The following MYO18A variants were observed in gnomAD, a reference collection of about 807,000 sequenced individuals.
The protein encoded by MYO18A is unconventional myosin-XVIIIa.
A neutral mutation model predicts 235.8 loss-of-function variants in MYO18A; 78 were observed. The ratio of observed to expected loss-of-function variants is 0.33; its 90% CI spans 0.28 to 0.40. The LOEUF (loss-of-function observed/expected upper bound fraction) is 0.40, where lower values mean the gene tolerates loss of function less well. Among genes scored for constraint, MYO18A ranks in the 10% least tolerant of loss-of-function variants. MYO18A has a pLI of 1.00. For synonymous variants in MYO18A, 977 were observed against 1,077.8 expected (o/e 0.91, Z 1.83); for missense variants, 2,215 against 2,699.3 (o/e 0.82, Z 3.98).
At position 29,121,089 on chromosome 17, in the gene MYO18A, G is replaced by A. The variant is rs377635575; in HGVS notation, c.1494C>T (p.Gly498=). 1 of 1,612,536 alleles carries A rather than the reference G, an allele frequency of 6.2e-7. No individual in the cohort carries two copies. The highest frequency in any genetic ancestry group is 8.5e-7 in the Non-Finnish European group (1 of 1,179,440). The change falls in exon 6 of 42, where the codon GGC becomes GGT. Residue 498 remains glycine, a synonymous_variant. Coordinates refer to ENST00000527372, the MANE Select transcript of MYO18A (RefSeq NM_078471.4). This position sits in a 1 kb window ranked among gnomAD's most constrained non-coding sequence, Gnocchi z 4.2. ...TGGTGGTCTTGCCACTGCCACTACT[G>A]CCCAGGAGGATGATTGACTGATCCT... The part of the protein sequence containing the change: ...SRQDQSIILL[G]SSGSGKTTSC...
intron 13 of MYO18A, 78 bp from the exon 14 acceptor site, chr17:29,115,177 C>G: frequency 6.7e-7 from 1 of 1,490,970 alleles, no homozygotes; most frequent in Non-Finnish European, 9.1e-7. Flanking sequence ...CCAAGCCAGA[C>G]CTCTATCCCT....
chr17:29,115,024 C>G lies in MYO18A; in HGVS notation c.2394G>C (p.Gln798His), dbSNP rs181887565. The G allele has an allele frequency of 1.2e-4, 194 of 1,614,028 alleles. 2 individuals carry two copies. In the East Asian group the frequency reaches 4.1e-3, roughly 34 times the overall value. ...AGGAGGCTCCGCGGGCTGACCCACC[C>G]TGCTCAGGGTTCTGGAAGCCCGGGG... ...VDTPGFQNPE[Q>H]GGSARGASFE... The change falls in exon 14 of 42, where the codon CAG (glutamine) becomes CAC (histidine). Residue 798 changes from glutamine to histidine, a missense_variant. Physicochemically the swap from Gln to His is conservative, Grantham distance 24. Coordinates refer to ENST00000527372, the MANE Select transcript of MYO18A (RefSeq NM_078471.4).
chr17:29,156,959 A>C (rs1446625717), intron 2 of MYO18A, among the ~76,000 whole-genome samples: 1 of 152,194 alleles, frequency 6.6e-6, no homozygotes, highest in Non-Finnish European at 1.5e-5. Context: ...GTGCTCCGCC[A>C]CTGTTTTTCC....
In MYO18A at chr17:29,114,021, T is replaced by G. The variant is rs1178203930; in HGVS notation, c.2588A>C (p.His863Pro). Residue 863 changes from histidine (H) to proline (P), a missense_variant, in exon 15 of 42, where the codon CAT becomes CCT. Coordinates refer to ENST00000527372, the MANE Select transcript of MYO18A (RefSeq NM_078471.4). ...DSVAAVDQAS[H>P]QSLVRSLART... ...CTCTGGAGCTCCTACCAGGGACTGA[T>G]GGGAGGCCTGGTCCACAGCAGCCAC... The G allele has an allele frequency of 1.3e-6, 2 of 1,597,718 alleles. No homozygotes were observed. Among genetic ancestry groups the G allele is most frequent in the African/African-American group, 2.7e-5 (2 of 74,600 alleles).
intron 20 of MYO18A, 72 bp from the exon 21 acceptor site, chr17:29,103,736 T>C (rs1475847382): frequency 2.4e-5 from 36 of 1,482,594 alleles, no homozygotes; most frequent in Non-Finnish European, 3.4e-5. Flanking sequence ...CTCCAGGCCC[T>C]TGGCCCTTCC....
chr17:29,097,054 C>G, intron 27 of MYO18A, 139 bp from the exon 28 acceptor site: 1 of 1,375,566 alleles, frequency 7.3e-7, no homozygotes, highest in Non-Finnish European at 9.7e-7. Context: ...TGAAGAAGCT[C>G]TAATGATAGC....
intron 37 of MYO18A, 88 bp from the exon 38 acceptor site, chr17:29,087,209 G>T: frequency 2.2e-6 from 3 of 1,378,488 alleles, no homozygotes; most frequent in Non-Finnish European, 3.0e-6. Context: ...GGGTGAGGAG[G>T]CCTGGGGTCG....
chr17:29,118,095 C>A lies in MYO18A; in HGVS notation c.1988G>T (p.Trp663Leu), dbSNP rs1367026234. The A allele has an allele frequency of 6.3e-7, 1 of 1,593,936 alleles. No individual in the cohort carries two copies. The highest frequency in any genetic ancestry group is 1.7e-5 in the Admixed American group (1 of 57,338). The change falls in exon 10 of 42, where the codon TGG (tryptophan) becomes TTG (leucine). Residue 663 changes from tryptophan to leucine, a missense_variant. Trp to Leu is a moderately conservative substitution (Grantham distance 61). Coordinates refer to ENST00000527372, the MANE Select transcript of MYO18A (RefSeq NM_078471.4). This position sits in a 1 kb window ranked among gnomAD's most constrained non-coding sequence, Gnocchi z 4.2. ...GTGGTAGATGGCAGCCAGAATGAACCAGCAGGCCTTCTGTTCATCGGGGGA... is the reference window on the plus strand; with the variant it reads ...GTGGTAGATGGCAGCCAGAATGAACAAGCAGGCCTTCTGTTCATCGGGGGA... ...GISPDEQKACWFILAAIYHLG... is the reference protein window; with the variant it reads ...GISPDEQKACLFILAAIYHLG...
chr17:29,131,756 G>A (rs529351309), intron 2 of MYO18A, among the ~76,000 whole-genome samples: 12 of 152,368 alleles, frequency 7.9e-5, no homozygotes, highest in Middle Eastern at 3.4e-3. Context: ...CTTTGGTTAC[G>A]TGGCAGATGG....
At chr17:29,093,225 G>A (rs1158220145) in intron 32 of MYO18A, 98 bp downstream of exon 32, 14 of 1,192,266 alleles carry the variant, frequency 1.2e-5, no homozygotes, top group Middle Eastern at 4.8e-4. Context: ...CCCCACCCCC[G>A]ACAGCTCTGT....
chr17:29,175,356 TATTTC>T (rs1321733878), intron 1 of MYO18A, among the ~76,000 whole-genome samples: 2 of 151,650 alleles, frequency 1.3e-5, no homozygotes, highest in Non-Finnish European at 2.9e-5. Flanking sequence ...CTTCTACTTT[TATTTC>T]ATCTTTTTTT....
rs140979803 is a variant in MYO18A at position 29,071,566 on chromosome 17, C to A, written c.*3204G>T. ...CCTTTACTTAAACTCTTCTTCTTCT[C>A]AATATGCCTTTCCCAGCAACTGTAC... On this transcript the variant is annotated 3_prime_UTR_variant, in exon 42 of 42. Coordinates refer to ENST00000527372, the MANE Select transcript of MYO18A (RefSeq NM_078471.4). The A allele has an allele frequency of 6.6e-6, 1 of 152,328 alleles. No individual in the cohort carries two copies. Among genetic ancestry groups the A allele is most frequent in the African/African-American group, 2.4e-5 (1 of 41,562 alleles). 9.4% of individuals were successfully genotyped at this position (152,328 alleles called of 1,614,324 possible).
rs2066462760 is a variant in MYO18A at position 29,094,007 on chromosome 17, C to T, written c.4794G>A (p.Glu1598=). 1 of 1,611,318 alleles carries T rather than the reference C, an allele frequency of 6.2e-7. No homozygotes were observed. Among genetic ancestry groups the T allele is most frequent in the Non-Finnish European group, 8.5e-7 (1 of 1,178,972 alleles). The stretch of plus-strand genomic sequence containing the variant: ...TCTTCTGACACGACTGCCGGGCCTC[C>T]TCCACCTCCTCATCCCGACTCTCCA... The part of the protein sequence containing the change: ...KEMESRDEEV[E]EARQSCQKKL... Residue 1598 remains glutamate (E), a synonymous_variant, in exon 31 of 42, where the codon GAG becomes GAA. Transcript: ENST00000527372.
At chr17:29,080,890 G>C (rs546947416) in intron 41 of MYO18A, 1 of 985,492 alleles carries the variant, frequency 1.0e-6, no homozygotes, top group African/African-American at 1.7e-5. Flanking sequence ...GAGCGAATCC[G>C]CGTCCCCGGT....
chr17:29,118,552 C>G lies in MYO18A; in HGVS notation c.1830-112G>C. ...TTCCAGACTCCAAGTTTTGTCTGCC[C>G]ATCATCCCATCATCCCCAACTGGCG... On this transcript the variant is annotated intron_variant, in intron 8 of 41. Coordinates refer to ENST00000527372, the MANE Select transcript of MYO18A (RefSeq NM_078471.4). This position sits in a 1 kb window ranked among gnomAD's most constrained non-coding sequence, Gnocchi z 4.2. 1.1e-6 allele frequency: 1 copy of G among 882,116 alleles called. No homozygotes were observed. Among genetic ancestry groups the G allele is most frequent in the South Asian group, 1.6e-5 (1 of 60,854 alleles). The allele number at this position is 882,116 out of a possible 1,614,324, so 54.6% of individuals were successfully genotyped here. A position where few individuals can be genotyped will look rare whatever the true frequency, so the allele number is the denominator to read the frequency against.
chr17:29,141,953 G>A (rs964151160), intron 2 of MYO18A, among the ~76,000 whole-genome samples: 1 of 151,114 alleles, frequency 6.6e-6, no homozygotes, highest in African/African-American at 2.4e-5. Context: ...TTTTGTTTTT[G>A]TTTTTTTTTG....
intron 33 of MYO18A, 131 bp downstream of exon 33, chr17:29,092,724 T>G: frequency 7.8e-7 from 1 of 1,280,102 alleles, no homozygotes. Flanking sequence ...CTGCTACACG[T>G]GGCTCTCCCC....
At chr17:29,148,937 C>T (rs938620930) in intron 2 of MYO18A, among the ~76,000 whole-genome samples, 1 of 152,214 alleles carries the variant, frequency 6.6e-6, no homozygotes, top group African/African-American at 2.4e-5. Context: ...ACCGGCCAGC[C>T]GGAGCCTGGG....
Position 29,115,468 on chromosome 17 carries a change from C to T in MYO18A, c.2228-27G>A, listed in dbSNP as rs1222433031. On this transcript the variant is annotated intron_variant, in intron 12 of 41. Transcript: ENST00000527372. ...TGTGGGGCAGGGGGAGCAGCGCTAT[C>T]TCCTTCTCCCCAGGGCTCCCCATCT... 6.8e-6 allele frequency: 11 copies of T among 1,606,782 alleles called. No homozygotes were observed. The Admixed American group carries it at 1.9e-4, about 27-fold the overall frequency.
Sources: gnomAD v4.1 joint callset for allele counts (sites outside exome capture counted in the v4.1 genomes callset) on GRCh38, gnomAD v4.1.1 for gene constraint, Gnocchi (gnomAD v3.1) non-coding constraint, MANE v1.5 for transcripts, NCBI Gene and HGNC (gene_info 2026-07-23, HGNC 2026-07-21) for gene names.